NFIB: variants seen among roughly 807,000 people sequenced by gnomAD.
NFIB encodes the protein nuclear factor I B.
In NFIB, 11 loss-of-function variants were observed where a neutral mutation model predicts 61.5. That is an observed-to-expected ratio of 0.18 (90% CI 0.11 to 0.30). The LOEUF is 0.30. Ranked by LOEUF, NFIB falls within the 10% of genes least tolerant of loss-of-function variation. The probability of loss-of-function intolerance (pLI) is 1.00; values close to 1 mark genes in which losing one functional copy is unlikely to be tolerated. For missense variants in NFIB, 471 were observed against 608.9 expected, an observed-to-expected ratio of 0.77 and a Z score of 2.38; for synonymous variants, 260 against 216.5, an observed-to-expected ratio of 1.20 and a Z score of -1.76.
chr9:14,090,686 A>C (rs2033757778), intron 10 of NFIB, among the ~76,000 whole-genome samples: 1 of 152,126 alleles, frequency 6.6e-6, no homozygotes, highest in African/African-American at 2.4e-5. Context: ...TAGGTAAAGC[A>C]GATAATCCTT....
At chr9:14,166,080 A>G (rs557650456) in intron 3 of NFIB, among the ~76,000 whole-genome samples, 2 of 152,354 alleles carry the variant, frequency 1.3e-5, no homozygotes, top group African/African-American at 4.8e-5. Context: ...TTGTTTACAT[A>G]TATTCAAGAA....
chr9:14,357,537 A>C (rs2061190560), intron 1 of NFIB: 1 of 152,206 alleles, frequency 6.6e-6, no homozygotes, highest in African/African-American at 2.4e-5. Flanking sequence ...GTAGTGACCC[A>C]ATATTCAAGA....
chr9:14,460,178 C>G, the NFIB span, among the ~76,000 whole-genome samples: 1 of 152,116 alleles, frequency 6.6e-6, no homozygotes, highest in African/African-American at 2.4e-5. Flanking sequence ...TCATGGAATA[C>G]TATGCAGCCA....
intron 10 of NFIB, among the ~76,000 whole-genome samples, chr9:14,090,068 T>A (rs1169615827): frequency 6.6e-6 from 1 of 152,134 alleles, no homozygotes; most frequent in Non-Finnish European, 1.5e-5. Context: ...TTGTTTCAAA[T>A]CACACCCAGC....
the NFIB span, among the ~76,000 whole-genome samples, chr9:14,487,254 A>G: frequency 6.6e-6 from 1 of 152,348 alleles, no homozygotes; most frequent in South Asian, 2.1e-4. Flanking sequence ...TAAGAAATAA[A>G]TGGTTACGGT....
Position 14,360,697 on chromosome 9 carries a change from A to G in NFIB, c.108+37827T>C, listed in dbSNP as rs1459066918. Among the ~76,000 whole-genome samples the G allele has an allele frequency of 2.6e-5, 4 of 152,078 alleles. No homozygotes were observed. In the East Asian group the frequency reaches 7.7e-4, roughly 29 times the overall value. On this transcript the variant is annotated intron_variant, in intron 1 of 8. Coordinates refer to the NFIB transcript ENST00000380934. ...GCAGCTGGGACTACAGGCGCCCGCC[A>G]ATACGCCCGGCTAATTTTTTGTATT...
chr9:14,466,731 G>A, the NFIB span, among the ~76,000 whole-genome samples: 2 of 152,074 alleles, frequency 1.3e-5, no homozygotes, highest in Non-Finnish European at 2.9e-5. Flanking sequence ...TCTTCTTTAT[G>A]TCTGCCTTTG....
intron 2 of NFIB, among the ~76,000 whole-genome samples, chr9:14,184,487 C>T (rs1370407317): frequency 9.6e-6 from 1 of 103,686 alleles, no homozygotes; most frequent in Non-Finnish European, 2.2e-5. Flanking sequence ...AAAGAGAGGC[C>T]AATTCTATAA....
the NFIB span, among the ~76,000 whole-genome samples, chr9:14,448,331 A>G: frequency 1.3e-5 from 2 of 152,310 alleles, no homozygotes; most frequent in African/African-American, 4.8e-5. Flanking sequence ...ATCTTGCGGT[A>G]TCTATAGTGG....
intron 1 of NFIB, among the ~76,000 whole-genome samples, chr9:14,336,191 G>C (rs2060884365): frequency 6.6e-6 from 1 of 152,190 alleles, no homozygotes; most frequent in East Asian, 1.9e-4. Context: ...TTTTCTCCAA[G>C]AAACCTTGAA....
rs528972015 is a variant in NFIB, at chr9:14,313,784, G to C, written c.-273C>G. The stretch of plus-strand genomic sequence containing the variant: ...CGAGCGCGCTGGCCGTGCTTGCCGA[G>C]GCCGCCGCCGCCGCCGGTGTTGGCT... On this transcript the variant is annotated 5_prime_UTR_variant, in exon 1 of 11. Coordinates refer to ENST00000380953, the MANE Select transcript of NFIB (RefSeq NM_001190737.2). This position sits in a 1 kb window ranked among gnomAD's most constrained non-coding sequence, Gnocchi z 4.5. 3.7e-6 allele frequency: 5 copies of C among 1,339,632 alleles called. No individual in the cohort carries two copies. The highest frequency in any genetic ancestry group is 3.0e-5 in the East Asian group (1 of 32,826). The allele number at this position is 1,339,632 out of a possible 1,614,324, so 83.0% of individuals were successfully genotyped here. A position where few individuals can be genotyped will look rare whatever the true frequency, so the allele number is the denominator to read the frequency against.
In NFIB at chr9:14,083,712, T is replaced by C. The variant is rs2032401676; in HGVS notation, c.*4597A>G. On this transcript the variant is annotated 3_prime_UTR_variant, in exon 11 of 11. Coordinates refer to ENST00000380953, the MANE Select transcript of NFIB (RefSeq NM_001190737.2). Reference sequence around the variant, plus strand: ...AGCCTTCATCATTTCACACAGTACATAGAATTTGAATCTAGGTAAAGAACA... The same window carrying C: ...AGCCTTCATCATTTCACACAGTACACAGAATTTGAATCTAGGTAAAGAACA... 4 of 224,142 alleles carry C rather than the reference T, an allele frequency of 1.8e-5. No homozygotes were observed. The highest frequency in any genetic ancestry group is 6.7e-5 in the African/African-American group (3 of 44,904). The allele number at this position is 224,142 out of a possible 1,614,324, so 13.9% of individuals were successfully genotyped here.
At chr9:14,230,760 T>A (rs2053028858) in intron 2 of NFIB, among the ~76,000 whole-genome samples, 2 of 152,002 alleles carry the variant, frequency 1.3e-5, no homozygotes, top group Admixed American at 1.3e-4. Context: ...GAGGCAGAAG[T>A]TCCAGAGAGA....
the NFIB span, among the ~76,000 whole-genome samples, chr9:14,405,529 A>G: frequency 2.6e-5 from 4 of 152,352 alleles, no homozygotes; most frequent in East Asian, 3.9e-4. Context: ...GCCTCTTGCT[A>G]TAACTCAAAA....
chr9:14,502,088 T>C, the NFIB span, among the ~76,000 whole-genome samples: 1 of 152,322 alleles, frequency 6.6e-6, no homozygotes, highest in South Asian at 2.1e-4. Context: ...TGGGGCCACA[T>C]AGACTTCAGA....
chr9:14,275,533 A>T (rs759674893), intron 2 of NFIB, among the ~76,000 whole-genome samples: 35 of 152,170 alleles, frequency 2.3e-4, no homozygotes, highest in Non-Finnish European at 4.0e-4. Context: ...GAGTCATCCC[A>T]TTCACAAGCA....
At chr9:14,279,436 C>A (rs1164257516) in intron 2 of NFIB, among the ~76,000 whole-genome samples, 1 of 152,040 alleles carries the variant, frequency 6.6e-6, no homozygotes, top group East Asian at 1.9e-4. Flanking sequence ...AGATTGAGAC[C>A]TTATTAAATC....
At chr9:14,355,598 G>C (rs2132929357) in intron 1 of NFIB, among the ~76,000 whole-genome samples, 1 of 152,222 alleles carries the variant, frequency 6.6e-6, no homozygotes, top group Non-Finnish European at 1.5e-5. Context: ...CTGGCTTCCT[G>C]GGTGTGTGTC....
intron 10 of NFIB, among the ~76,000 whole-genome samples, chr9:14,090,068 T>C (rs1169615827): frequency 6.6e-6 from 1 of 152,134 alleles, no homozygotes; most frequent in Non-Finnish European, 1.5e-5. Flanking sequence ...TTGTTTCAAA[T>C]CACACCCAGC....
Sources: allele counts gnomAD v4.1 joint callset (sites outside exome capture counted in the v4.1 genomes callset), GRCh38; gene constraint gnomAD v4.1.1; non-coding constraint Gnocchi (gnomAD v3.1); transcripts MANE v1.5; gene names NCBI Gene and HGNC (gene_info 2026-07-23, HGNC 2026-07-21).